C5orf46: variants seen among roughly 807,000 people sequenced by gnomAD.
C5orf46 encodes uncharacterized protein C5orf46.
C5orf46 carries 9 observed loss-of-function variants against 8.9 expected under a neutral mutation model. The ratio of observed to expected loss-of-function variants is 1.01; its 90% CI spans 0.61 to 1.76. C5orf46 has a LOEUF of 1.76. C5orf46 is among the 40% of genes most tolerant of loss of function. The pLI is 0.00. For missense variants in C5orf46, 98 were observed against 107.8 expected, an observed-to-expected ratio of 0.91 and a Z score of 0.40; for synonymous variants, 47 against 41.4, an observed-to-expected ratio of 1.14 and a Z score of -0.52.
chr5:147,900,895 A>G (rs1757657045), intron 2 of C5orf46, among the ~76,000 whole-genome samples: 2 of 152,216 alleles, frequency 1.3e-5, no homozygotes, highest in South Asian at 2.1e-4. Flanking sequence ...CATACAGTGT[A>G]GTAGTGTCAA....
intron 2 of C5orf46, chr5:147,886,227 G>C (rs1468634611): frequency 1.3e-5 from 2 of 152,110 alleles, no homozygotes; most frequent in Non-Finnish European, 2.9e-5. Context: ...CTGTATGAGA[G>C]ATCCTTATGA....
intron 2 of C5orf46, among the ~76,000 whole-genome samples, chr5:147,899,245 G>A (rs1210857051): frequency 1.3e-5 from 2 of 152,144 alleles, no homozygotes; most frequent in African/African-American, 2.4e-5. Flanking sequence ...AATTATTTGA[G>A]GAGAAGGGAT....
At chr5:147,902,648 G>T (rs1341247376) in intron 1 of C5orf46, among the ~76,000 whole-genome samples, 1 of 152,164 alleles carries the variant, frequency 6.6e-6, no homozygotes, top group African/African-American at 2.4e-5. Flanking sequence ...CACATAGTTA[G>T]TAAGTGGCAG....
intron 2 of C5orf46, among the ~76,000 whole-genome samples, chr5:147,900,888 A>T (rs1757656818): frequency 1.3e-5 from 2 of 152,196 alleles, no homozygotes; most frequent in South Asian, 4.1e-4. Context: ...AATAAAGCAT[A>T]CAGTGTAGTA....
chr5:147,900,598 A>G (rs1757651745), intron 2 of C5orf46, among the ~76,000 whole-genome samples: 1 of 152,236 alleles, frequency 6.6e-6, no homozygotes, highest in African/African-American at 2.4e-5. Context: ...ATTTCTGTAT[A>G]TCAGAATTAC....
chr5:147,906,062 G>C (rs1184023670), intron 1 of C5orf46, among the ~76,000 whole-genome samples: 1 of 152,120 alleles, frequency 6.6e-6, no homozygotes, highest in East Asian at 1.9e-4. Flanking sequence ...TCTGGTTAGT[G>C]GTAGAGCCAG....
rs1757524221 is a variant in C5orf46, at chr5:147,892,950, C to T, written c.*10-11G>A. Reference sequence around the variant, plus strand: ...CCACATGGGTGTGTCCTTTGAAACACAAGCCAAAGAGAGGAAAACAATTAC... The same window carrying T: ...CCACATGGGTGTGTCCTTTGAAACATAAGCCAAAGAGAGGAAAACAATTAC... On this transcript the variant is annotated splice_polypyrimidine_tract_variant and intron_variant, in intron 3 of 3. Coordinates refer to ENST00000318315, the MANE Select transcript of C5orf46 (RefSeq NM_206966.3). 6.6e-6 allele frequency: 1 copy of T among 152,148 alleles called. No individual in the cohort carries two copies. The highest frequency in any genetic ancestry group is 2.1e-4 in the South Asian group (1 of 4,824). The allele number at this position is 152,148 out of a possible 1,614,324, so 9.4% of individuals were successfully genotyped here. A position where few individuals can be genotyped will look rare whatever the true frequency, so the allele number is the denominator to read the frequency against.
At position 147,906,506 on chromosome 5, in the gene C5orf46, G is replaced by A. The variant is rs1351942182; in HGVS notation, c.-5C>T. ...GCGAAGTACTGAGACAGCCATTCTGGTAGCACGGGGTATTCGTGCAGATAA... is the reference window on the plus strand; with the variant it reads ...GCGAAGTACTGAGACAGCCATTCTGATAGCACGGGGTATTCGTGCAGATAA... On this transcript the variant is annotated 5_prime_UTR_variant, in exon 1 of 4. Coordinates refer to ENST00000318315, the MANE Select transcript of C5orf46 (RefSeq NM_206966.3). 6.2e-7 allele frequency: 1 copy of A among 1,605,208 alleles called. No individual in the cohort carries two copies. The highest frequency in any genetic ancestry group is 8.5e-7 in the Non-Finnish European group (1 of 1,172,642).
At chr5:147,888,670 C>T (rs1477399624), downstream of C5orf46, among the ~76,000 whole-genome samples, 1 of 152,172 alleles carries the variant, frequency 6.6e-6, no homozygotes, top group Non-Finnish European at 1.5e-5. Flanking sequence ...TGATACACAT[C>T]TGTGACAGCT....
intron 1 of C5orf46, among the ~76,000 whole-genome samples, chr5:147,904,674 G>A (rs1469396221): frequency 1.3e-5 from 2 of 152,100 alleles, no homozygotes; most frequent in African/African-American, 4.8e-5. Context: ...GTATTAAAGT[G>A]TGATGGATTG....
chr5:147,902,979 C>T (rs1757694677), intron 1 of C5orf46, among the ~76,000 whole-genome samples: 2 of 152,090 alleles, frequency 1.3e-5, no homozygotes, highest in South Asian at 2.1e-4. Flanking sequence ...AAGAAAAATG[C>T]TAAGATGATA....
Position 147,896,892 on chromosome 5 carries a change from G to C in C5orf46, c.*9+92C>G, listed in dbSNP as rs374824653. The C allele has an allele frequency of 1.3e-5, 7 of 522,288 alleles. No homozygotes were observed. In the East Asian group the frequency reaches 2.0e-4, roughly 15 times the overall value. 32.4% of individuals were successfully genotyped at this position (522,288 alleles called of 1,614,324 possible). ...TTTTTCTGCTTGTAGGTAGACATGG[G>C]TAACCAAAATTATTAAATAAAACTG... On this transcript the variant is annotated intron_variant, in intron 3 of 3. Transcript: ENST00000318315.
At chr5:147,895,141 G>A (rs1047978105) in intron 3 of C5orf46, among the ~76,000 whole-genome samples, 4 of 151,952 alleles carry the variant, frequency 2.6e-5, no homozygotes, top group East Asian at 1.9e-4. Flanking sequence ...AGGAAATTCT[G>A]GCTGCATGCC....
chr5:147,903,551 A>G (rs1757704214), intron 1 of C5orf46, among the ~76,000 whole-genome samples: 1 of 152,164 alleles, frequency 6.6e-6, no homozygotes, highest in Non-Finnish European at 1.5e-5. Flanking sequence ...CATCTATATT[A>G]TATCCTAAAA....
rs11956228 is a variant in C5orf46 at position 147,901,745 on chromosome 5, C to T, written c.99G>A (p.Lys33=). 128,891 of 1,613,754 alleles carry T rather than the reference C, an allele frequency of 0.08. 5,630 individuals are homozygous for T. Among genetic ancestry groups the T allele is most frequent in the Middle Eastern group, 0.15 (893 of 6,060 alleles). The change falls in exon 2 of 4, where the codon AAG becomes AAA. Residue 33 remains lysine, a synonymous_variant. Transcript: ENST00000318315. ...ADDKPDKPDD[K]PDDSGKDPKP... is the part of the protein sequence containing the mutation. ...TTGGGTCTTTGCCCGAGTCGTCTGG[C>T]TTGTCGTCTGGCTTGTCTGGTTTGT... is the stretch of plus-strand genomic sequence containing the variant.
chr5:147,893,790 C>G (rs543871592), intron 3 of C5orf46, among the ~76,000 whole-genome samples: 1 of 152,164 alleles, frequency 6.6e-6, no homozygotes, highest in Non-Finnish European at 1.5e-5. Context: ...GATCTGCCCG[C>G]TCGGCCTCCC....
chr5:147,905,708 A>G (rs1433947073), intron 1 of C5orf46, among the ~76,000 whole-genome samples: 1 of 152,182 alleles, frequency 6.6e-6, no homozygotes, highest in Admixed American at 6.5e-5. Flanking sequence ...GTTGCTCGAT[A>G]ATAGTAGAAA....
At chr5:147,887,243 C>G (rs1001080979) in intron 2 of C5orf46, 27 of 152,074 alleles carry the variant, frequency 1.8e-4, no homozygotes, top group African/African-American at 6.3e-4. Flanking sequence ...TCATTATTAG[C>G]AAAATCAAGG....
In C5orf46 at chr5:147,901,844, C is replaced by T. The variant is rs2278377; in HGVS notation, c.71-71G>A. The stretch of plus-strand genomic sequence containing the variant: ...GGAATCATTCTTTCTGTGTGGGGAA[C>T]GCTTGGGATTCTTTCTGACCCACTC... On this transcript the variant is annotated intron_variant, in intron 1 of 3. Coordinates refer to ENST00000318315, the MANE Select transcript of C5orf46 (RefSeq NM_206966.3). The T allele has an allele frequency of 4.4e-3, 6,685 of 1,519,028 alleles. 261 individuals are homozygous for T. The East Asian group carries it at 0.1, about 23-fold the overall frequency. 94.1% of individuals were successfully genotyped at this position (1,519,028 alleles called of 1,614,324 possible).
Sources: gnomAD v4.1 joint callset for allele counts (sites outside exome capture counted in the v4.1 genomes callset) on GRCh38, gnomAD v4.1.1 for gene constraint, MANE v1.5 for transcripts, NCBI Gene and HGNC (gene_info 2026-07-23, HGNC 2026-07-21) for gene names.